Variants in EPN2 observed in about 807,000 individuals in gnomAD.
EPN2 encodes the protein epsin-2.
A neutral mutation model predicts 61.7 loss-of-function variants in EPN2; 34 were observed. The observed-to-expected ratio is 0.55, with a 90% CI of 0.42 to 0.73. The LOEUF (loss-of-function observed/expected upper bound fraction) is 0.73. EPN2 is among the 30% of genes least tolerant of loss of function. EPN2 has a pLI of 0.00. For synonymous variants in EPN2, 349 were observed against 353.6 expected, an observed-to-expected ratio of 0.99 and a Z score of 0.15; for missense variants, 714 against 839.2, an observed-to-expected ratio of 0.85 and a Z score of 1.84.
At chr17:19,331,792 G>C in intron 9 of EPN2, 61 bp from the exon 10 acceptor site, 1 of 1,447,270 alleles carries the variant, frequency 6.9e-7, no homozygotes, top group South Asian at 1.1e-5. Context: ...TTTGTGTTAA[G>C]TACACAGTCT....
At chr17:19,327,888 G>C (rs1006498121) in intron 7 of EPN2, among the ~76,000 whole-genome samples, 20 of 152,184 alleles carry the variant, frequency 1.3e-4, no homozygotes, top group Admixed American at 1.3e-3. Context: ...CGGCAGTGGT[G>C]TCTGAACACT....
At chr17:19,267,556 A>G (rs115106632) in intron 1 of EPN2, among the ~76,000 whole-genome samples, 11 of 139,876 alleles carry the variant, frequency 7.9e-5, no homozygotes, top group East Asian at 2.0e-4. Context: ...TTTTTTTTTT[A>G]AAAAAAGACA....
At chr17:19,291,552 C>T (rs545055301) in intron 4 of EPN2, among the ~76,000 whole-genome samples, 11 of 151,208 alleles carry the variant, frequency 7.3e-5, no homozygotes, top group Non-Finnish European at 1.5e-4. Flanking sequence ...GTTCTCCTGC[C>T]TCAGCCTCCT....
At chr17:19,274,561 G>T (rs2045287715) in intron 1 of EPN2, among the ~76,000 whole-genome samples, 1 of 152,168 alleles carries the variant, frequency 6.6e-6, no homozygotes, top group Non-Finnish European at 1.5e-5. Context: ...AGCCGAGCGT[G>T]ATCTTCAATG....
At chr17:19,288,198 C>T (rs918060652) in intron 4 of EPN2, among the ~76,000 whole-genome samples, 2 of 152,192 alleles carry the variant, frequency 1.3e-5, no homozygotes, top group African/African-American at 4.8e-5. Flanking sequence ...CAGACCTTCC[C>T]AGGCCTGCTG....
intron 4 of EPN2, chr17:19,297,330 A>G (rs1352453319): frequency 6.6e-6 from 1 of 152,278 alleles, no homozygotes; most frequent in Non-Finnish European, 1.5e-5. Flanking sequence ...ACAGATCTGA[A>G]TCATAGGTCT....
At chr17:19,261,494 A>C (rs78348799) in intron 1 of EPN2, among the ~76,000 whole-genome samples, 82 of 152,168 alleles carry the variant, frequency 5.4e-4, no homozygotes, top group Middle Eastern at 3.4e-3. Flanking sequence ...ATGAGTTATA[A>C]ATTTTTTTCA....
intron 4 of EPN2, among the ~76,000 whole-genome samples, chr17:19,290,490 C>G (rs142632098): frequency 2.0e-5 from 3 of 152,088 alleles, no homozygotes; most frequent in Admixed American, 6.5e-5. Context: ...CAAGGACACT[C>G]TAAGGCCAGG....
rs534701507 is a variant in EPN2 at position 19,335,087 on chromosome 17, A to G, written c.*833A>G. ...AAAAGGAAGAGATGTTTGGATGACA[A>G]AAAAATGCCTTATTGAAAAACTAAA... is the stretch of plus-strand genomic sequence containing the variant. On this transcript the variant is annotated 3_prime_UTR_variant, in exon 11 of 11. Transcript: ENST00000314728. 1 of 202,930 alleles carries G rather than the reference A, an allele frequency of 4.9e-6. No homozygotes were observed. Among genetic ancestry groups the G allele is most frequent in the East Asian group, 1.1e-4 (1 of 8,898 alleles). 12.6% of individuals were successfully genotyped at this position (202,930 alleles called of 1,614,324 possible).
rs551541444 is a variant in EPN2, at chr17:19,285,263, G to T, written c.596-357G>T. 6.6e-6 allele frequency among the ~76,000 whole-genome samples: 1 copy of T among 152,246 alleles called. No individual in the cohort carries two copies. Among genetic ancestry groups the T allele is most frequent in the Non-Finnish European group, 1.5e-5 (1 of 68,052 alleles). Reference sequence around the variant, plus strand: ...AAGCAAGGAGCTGAAACAGCTTCATGTTCCATGAACAATTTGTGGAACTTT... The same window carrying T: ...AAGCAAGGAGCTGAAACAGCTTCATTTTCCATGAACAATTTGTGGAACTTT... On this transcript the variant is annotated intron_variant, in intron 3 of 10. Transcript: ENST00000314728. The surrounding 1 kb of genome is among the most constrained non-coding windows in gnomAD (Gnocchi z 4.5).
At chr17:19,321,122 A>G (rs1811355248) in intron 7 of EPN2, among the ~76,000 whole-genome samples, 1 of 152,310 alleles carries the variant, frequency 6.6e-6, no homozygotes, top group South Asian at 2.1e-4. Context: ...GCGGGCTGGC[A>G]TAGAGGCTGC....
At chr17:19,248,803 T>A (rs895950867) in intron 1 of EPN2, among the ~76,000 whole-genome samples, 17 of 152,192 alleles carry the variant, frequency 1.1e-4, no homozygotes, top group African/African-American at 3.9e-4. Context: ...TAACAAGTAA[T>A]ATTAGCTTTG....
intron 7 of EPN2, among the ~76,000 whole-genome samples, chr17:19,315,746 A>G (rs1444160797): frequency 4.1e-4 from 62 of 152,242 alleles, no homozygotes; most frequent in Admixed American, 4.1e-3. Flanking sequence ...CGGCCTCCCA[A>G]AGTGTTGGGA....
At chr17:19,302,034 C>T (rs956344059) in intron 4 of EPN2, among the ~76,000 whole-genome samples, 3 of 152,214 alleles carry the variant, frequency 2.0e-5, no homozygotes, top group African/African-American at 7.2e-5. Flanking sequence ...AGCCATTTAC[C>T]CTCTCTGGGC....
chr17:19,314,546 G>T (rs906491143), intron 7 of EPN2, among the ~76,000 whole-genome samples: 1 of 152,220 alleles, frequency 6.6e-6, no homozygotes, highest in Non-Finnish European at 1.5e-5. Context: ...CTTACCAAGT[G>T]CTTGGACTTG....
intron 3 of EPN2, among the ~76,000 whole-genome samples, chr17:19,284,059 A>G (rs1298835788): frequency 6.6e-6 from 1 of 152,154 alleles, no homozygotes; most frequent in Non-Finnish European, 1.5e-5. Context: ...TGCACATACA[A>G]TGGGGAGTTG....
chr17:19,246,752 G>T (rs1354706985), intron 1 of EPN2, among the ~76,000 whole-genome samples: 1 of 140,984 alleles, frequency 7.1e-6, no homozygotes, highest in Non-Finnish European at 1.5e-5. Flanking sequence ...CTGAAAGCAA[G>T]TCCTCCCTGT....
intron 6 of EPN2, chr17:19,312,800 T>C: frequency 3.1e-6 from 1 of 323,664 alleles, no homozygotes; most frequent in Non-Finnish European, 5.7e-6. Flanking sequence ...GTGGGAGGGA[T>C]GGCGTTCTGG....
chr17:19,335,254 C>A lies in EPN2; in HGVS notation c.*1000C>A. ...TTTAGCTCCTGTTTTTGGTGAATTA[C>A]TAAACTGATTGACTTTCAGCCTTTT... is the stretch of plus-strand genomic sequence containing the variant. On this transcript the variant is annotated 3_prime_UTR_variant, in exon 11 of 11. Coordinates refer to ENST00000314728, the MANE Select transcript of EPN2 (RefSeq NM_014964.5). The A allele has an allele frequency of 1.4e-6, 1 of 694,410 alleles. No individual in the cohort carries two copies. Among genetic ancestry groups the A allele is most frequent in the Non-Finnish European group, 2.2e-6 (1 of 445,316 alleles). 43.0% of individuals were successfully genotyped at this position (694,410 alleles called of 1,614,324 possible).
Sources: allele counts gnomAD v4.1 joint callset (sites outside exome capture counted in the v4.1 genomes callset), GRCh38; gene constraint gnomAD v4.1.1; non-coding constraint Gnocchi (gnomAD v3.1); transcripts MANE v1.5; gene names NCBI Gene and HGNC (gene_info 2026-07-23, HGNC 2026-07-21).